The following LSAMP variants were observed in gnomAD, a reference collection of about 807,000 sequenced individuals.
LSAMP encodes limbic system associated membrane protein.
LSAMP carries 7 observed loss-of-function variants against 38.6 expected under a neutral mutation model. The ratio of observed to expected loss-of-function variants is 0.18; its 90% CI spans 0.10 to 0.34. The LOEUF (loss-of-function observed/expected upper bound fraction) is 0.34, where lower values mean the gene tolerates loss of function less well. Ranked by LOEUF, LSAMP falls within the 10% of genes least tolerant of loss-of-function variation. The pLI, the probability that LSAMP is intolerant of heterozygous loss-of-function variation, is 1.00. For missense variants in LSAMP, 313 were observed against 420.0 expected, an observed-to-expected ratio of 0.75 and a Z score of 2.23; for synonymous variants, 154 against 166.8, an observed-to-expected ratio of 0.92 and a Z score of 0.59.
chr3:115,823,577 G>A (rs1206799421), intron 6 of LSAMP, among the ~76,000 whole-genome samples: 1 of 152,038 alleles, frequency 6.6e-6, no homozygotes. Context: ...CTTCCATAAT[G>A]AGAATGCATA....
At chr3:115,876,806 A>T (rs552296381) in intron 3 of LSAMP, among the ~76,000 whole-genome samples, 1 of 152,060 alleles carries the variant, frequency 6.6e-6, no homozygotes, top group South Asian at 2.1e-4. Flanking sequence ...ATATGTTGGG[A>T]TTCTAAAATG....
intron 1 of LSAMP, among the ~76,000 whole-genome samples, chr3:116,198,232 G>A (rs1478899337): frequency 6.6e-6 from 1 of 152,148 alleles, no homozygotes; most frequent in African/African-American, 2.4e-5. Flanking sequence ...CAGTTTACAG[G>A]GATAAAAAGG....
intron 1 of LSAMP, among the ~76,000 whole-genome samples, chr3:116,300,588 T>C (rs777217602): frequency 6.6e-6 from 1 of 152,140 alleles, no homozygotes; most frequent in Non-Finnish European, 1.5e-5. Context: ...CATAGGAGCG[T>C]GAACCCTTTT....
At chr3:116,362,635 A>C (rs1380248172) in intron 1 of LSAMP, among the ~76,000 whole-genome samples, 2 of 70,428 alleles carry the variant, frequency 2.8e-5, no homozygotes, top group East Asian at 3.5e-4. Context: ...GCAAATGTAA[A>C]AGAACAGAAA....
intron 1 of LSAMP, among the ~76,000 whole-genome samples, chr3:116,258,103 T>C (rs2046774761): frequency 6.6e-6 from 1 of 152,130 alleles, no homozygotes; most frequent in South Asian, 2.1e-4. Flanking sequence ...TGATTTCAGC[T>C]TGTTTTCTTG....
intron 1 of LSAMP, among the ~76,000 whole-genome samples, chr3:116,174,656 T>C (rs2864073): frequency 0.093 from 14,193 of 151,956 alleles, 938 homozygotes; most frequent in African/African-American, 0.19. Context: ...TATTACCTCA[T>C]AGGGTGATTT....
intron 1 of LSAMP, among the ~76,000 whole-genome samples, chr3:116,279,950 G>A (rs557064610): frequency 6.6e-6 from 1 of 152,132 alleles, no homozygotes; most frequent in South Asian, 2.1e-4. Flanking sequence ...TTCAATACCA[G>A]TTAAGAAACA....
chr3:116,337,709 A>G (rs2047939713), intron 1 of LSAMP, among the ~76,000 whole-genome samples: 1 of 151,940 alleles, frequency 6.6e-6, no homozygotes, highest in Non-Finnish European at 1.5e-5. Context: ...GAGAAAAGGT[A>G]GGTGCATGTT....
chr3:116,019,348 C>A (rs576799300), intron 3 of LSAMP, among the ~76,000 whole-genome samples, 167 bp downstream of exon 3: 1 of 152,120 alleles, frequency 6.6e-6, no homozygotes, highest in African/African-American at 2.4e-5. Flanking sequence ...AAAAAAGTTG[C>A]CATTCTGTTA....
intron 1 of LSAMP, among the ~76,000 whole-genome samples, chr3:116,240,109 A>T (rs377211260): frequency 6.6e-6 from 1 of 152,210 alleles, no homozygotes; most frequent in Non-Finnish European, 1.5e-5. Flanking sequence ...ACAATTGATG[A>T]TTATTATAAG....
intron 1 of LSAMP, among the ~76,000 whole-genome samples, chr3:116,385,489 C>A (rs1267939922): frequency 6.6e-6 from 1 of 152,116 alleles, no homozygotes; most frequent in Non-Finnish European, 1.5e-5. Flanking sequence ...TTCACAAGGG[C>A]CAAGTTGAAT....
chr3:116,028,661 A>T (rs1193598422), intron 2 of LSAMP, among the ~76,000 whole-genome samples: 2 of 152,190 alleles, frequency 1.3e-5, no homozygotes, highest in African/African-American at 2.4e-5. Flanking sequence ...AAATGTACCT[A>T]TTATTTATTA....
At chr3:115,843,126 A>G (rs998680048) in intron 4 of LSAMP, among the ~76,000 whole-genome samples, 7 of 152,200 alleles carry the variant, frequency 4.6e-5, no homozygotes, top group Admixed American at 1.3e-4. Context: ...TTAGGTGACT[A>G]CCTTCTTTTA....
In LSAMP at chr3:116,033,251, G is replaced by T. The variant is rs1038216193; in HGVS notation, c.389-13611C>A. 2.6e-5 allele frequency among the ~76,000 whole-genome samples: 4 copies of T among 152,020 alleles called. No homozygotes were observed. In the East Asian group the frequency reaches 5.8e-4, roughly 22 times the overall value. On this transcript the variant is annotated intron_variant, in intron 2 of 6. Coordinates refer to ENST00000490035, the MANE Select transcript of LSAMP (RefSeq NM_002338.5). ...CCTTCTCTTTTTAAAACTCAAGAAG[G>T]GGGGCATGGCGATGATGGTGAGAAG...
chr3:116,046,836 T>G (rs959702248), intron 2 of LSAMP, among the ~76,000 whole-genome samples: 12 of 152,208 alleles, frequency 7.9e-5, no homozygotes, highest in African/African-American at 2.7e-4. Flanking sequence ...ATAATCATTG[T>G]CAATACCCCT....
At chr3:115,818,552 T>C (rs1247476893) in intron 6 of LSAMP, among the ~76,000 whole-genome samples, 1 of 151,694 alleles carries the variant, frequency 6.6e-6, no homozygotes, top group Non-Finnish European at 1.5e-5. Flanking sequence ...TGCTATGAAT[T>C]AGATCAATTA....
At chr3:115,840,160 AG>A (rs1377789891) in intron 6 of LSAMP, among the ~76,000 whole-genome samples, 1 of 152,258 alleles carries the variant, frequency 6.6e-6, no homozygotes, top group Non-Finnish European at 1.5e-5. Context: ...TAGGTTAAAT[AG>A]AAAGAAAATA....
At position 116,271,977 on chromosome 3, in the gene LSAMP, A is replaced by G. The variant is rs547956924; in HGVS notation, c.155+172900T>C. Among the ~76,000 whole-genome samples, 133 of 152,202 alleles carry G rather than the reference A, an allele frequency of 8.7e-4. 1 individual carries two copies. Among genetic ancestry groups the G allele is most frequent in the African/African-American group, 3.1e-3 (128 of 41,546 alleles). ...CACTTGTGAAGGGAAAAATAAATTT[A>G]AAACCCAGGATGAAATAGAGATTGG... On this transcript the variant is annotated intron_variant, in intron 1 of 6. Coordinates refer to ENST00000490035, the MANE Select transcript of LSAMP (RefSeq NM_002338.5).
intron 1 of LSAMP, among the ~76,000 whole-genome samples, chr3:116,344,365 C>G (rs936322526): frequency 4.0e-5 from 6 of 151,820 alleles, no homozygotes; most frequent in African/African-American, 1.5e-4. Context: ...AATCTAAGTA[C>G]AAAGCAGAAT....
Sources: gnomAD v4.1 joint callset for allele counts (sites outside exome capture counted in the v4.1 genomes callset) on GRCh38, gnomAD v4.1.1 for gene constraint, MANE v1.5 for transcripts, NCBI Gene and HGNC (gene_info 2026-07-23, HGNC 2026-07-21) for gene names.